CLIP1: variants seen among roughly 807,000 people sequenced by gnomAD.
CLIP1 encodes the protein CAP-Gly domain-containing linker protein 1.
A neutral mutation model predicts 161.6 loss-of-function variants in CLIP1; 66 were observed. That is an observed-to-expected ratio of 0.41 (90% confidence interval 0.33 to 0.50). The LOEUF is 0.50. CLIP1 is among the 20% of genes least tolerant of loss of function. The pLI, the probability that CLIP1 is intolerant of heterozygous loss-of-function variation, is 0.27. For missense variants in CLIP1, 1,376 were observed against 1,702.0 expected, an observed-to-expected ratio of 0.81 and a Z score of 3.37; for synonymous variants, 598 against 626.2, an observed-to-expected ratio of 0.96 and a Z score of 0.67.
In CLIP1 at chr12:122,328,005, T is replaced by A. The variant is rs1951773912; in HGVS notation, c.3191A>T (p.Glu1064Val). ...TEDKLKGAREENSGLLQELEE... is the reference protein window; with the variant it reads ...TEDKLKGAREVNSGLLQELEE... Reference sequence around the variant, plus strand: ...CAGCTCCTGCAGCAAGCCACTGTTCTCCTCCCGTGCGCCCTTCAGCTTGTC... The same window carrying A: ...CAGCTCCTGCAGCAAGCCACTGTTCACCTCCCGTGCGCCCTTCAGCTTGTC... Residue 1064 changes from glutamate (E) to valine (V), a missense_variant, in exon 17 of 26, where the codon GAG (glutamate) becomes GTG (valine). Physicochemically the swap from Glu to Val is moderately radical, Grantham distance 121. This residue lies in a region of CLIP1 where 948 missense variants were observed against 1,134.8 expected (regional missense o/e 0.84). Coordinates refer to ENST00000620786, the MANE Select transcript of CLIP1 (RefSeq NM_001247997.2). The A allele has an allele frequency of 1.2e-6, 2 of 1,614,146 alleles. No individual in the cohort carries two copies. The highest frequency in any genetic ancestry group is 1.7e-6 in the Non-Finnish European group (2 of 1,180,032).
chr12:122,355,062 C>T lies in CLIP1; in HGVS notation c.1203+53G>A, dbSNP rs914477733. On this transcript the variant is annotated intron_variant, in intron 6 of 25. Coordinates refer to ENST00000620786, the MANE Select transcript of CLIP1 (RefSeq NM_001247997.2). This position sits in a 1 kb window ranked among gnomAD's most constrained non-coding sequence, Gnocchi z 4.1. ...CAAGCACCGGGCATGCTTCTCGGCT[C>T]CTCAGTGGCTTTAGAAACCATCACC... is the stretch of plus-strand genomic sequence containing the variant. 6.5e-6 allele frequency: 10 copies of T among 1,548,054 alleles called. No homozygotes were observed. The highest frequency in any genetic ancestry group is 8.9e-6 in the Non-Finnish European group (10 of 1,125,288).
chr12:122,377,575 C>T lies in CLIP1; in HGVS notation c.471G>A (p.Val157=). The T allele has an allele frequency of 6.2e-7, 1 of 1,613,934 alleles. No individual in the cohort carries two copies. The highest frequency in any genetic ancestry group is 8.5e-7 in the Non-Finnish European group (1 of 1,180,016). ...SPLCTSTASM[V]SSSPSTPSNI... ...TTGAAGGGGTGGAGGGGGAGGAAGA[C>T]ACCATGCTGGCCGTAGAAGTGCACA... Residue 157 remains valine, a synonymous_variant, in exon 3 of 26, where the codon GTG becomes GTA. Coordinates refer to ENST00000620786, the MANE Select transcript of CLIP1 (RefSeq NM_001247997.2).
chr12:122,281,700 C>T (rs113537804), intron 21 of CLIP1, among the ~76,000 whole-genome samples: 12,763 of 151,142 alleles, frequency 0.084, 1,759 homozygotes, highest in African/African-American at 0.29. Flanking sequence ...GGCAACAGAG[C>T]AAGACCCCGT....
Position 122,324,968 on chromosome 12 carries a change from GT to G in CLIP1, c.3249+2978del, listed in dbSNP as rs1242687283. 7.2e-3 allele frequency among the ~76,000 whole-genome samples: 1,040 copies of G among 143,562 alleles called. 11 individuals are homozygous for G. The highest frequency in any genetic ancestry group is 0.02 in the African/African-American group (780 of 39,376). 94.2% of individuals were successfully genotyped at this position (143,562 alleles called of 152,430 possible). ...TAGGCTTTGCTGACTAAAAGGAATA[GT>G]TTTTTTTTTTTATTTACTGAATTAT... On this transcript the variant is annotated intron_variant, in intron 17 of 25. Coordinates refer to ENST00000620786, the MANE Select transcript of CLIP1 (RefSeq NM_001247997.2).
chr12:122,284,742 T>C (rs556010768), intron 21 of CLIP1, among the ~76,000 whole-genome samples: 1 of 152,298 alleles, frequency 6.6e-6, no homozygotes, highest in South Asian at 2.1e-4. Context: ...TGATAAGGAC[T>C]TCATCATTAA....
chr12:122,349,566 G>A (rs528928307), intron 9 of CLIP1, among the ~76,000 whole-genome samples: 1 of 152,334 alleles, frequency 6.6e-6, no homozygotes, highest in Admixed American at 6.5e-5. Context: ...AGCAGCAAGG[G>A]AACTAGTGAT....
At chr12:122,276,488 G>C in intron 24 of CLIP1, 1 of 1,288,808 alleles carries the variant, frequency 7.8e-7, no homozygotes, top group African/African-American at 1.5e-5. Flanking sequence ...GAAACAAACC[G>C]AAGCAGAAAG....
chr12:122,287,016 C>G (rs961357321), intron 21 of CLIP1, among the ~76,000 whole-genome samples: 3 of 151,348 alleles, frequency 2.0e-5, no homozygotes, highest in African/African-American at 7.3e-5. Flanking sequence ...AACAAACAAA[C>G]AAAAAATTAG....
intron 14 of CLIP1, among the ~76,000 whole-genome samples, chr12:122,333,805 G>C (rs1050101075): frequency 1.3e-5 from 2 of 152,218 alleles, no homozygotes; most frequent in Non-Finnish European, 2.9e-5. Flanking sequence ...AGCAGTGGGA[G>C]TGGTGAGATG....
At chr12:122,322,612 G>A (rs1189548899) in intron 17 of CLIP1, 2 of 152,542 alleles carry the variant, frequency 1.3e-5, no homozygotes, top group South Asian at 2.1e-4. Context: ...CAAACTTCTC[G>A]GACTGCAGCT....
chr12:122,384,125 A>C (rs1223288341), intron 1 of CLIP1, among the ~76,000 whole-genome samples: 2 of 152,238 alleles, frequency 1.3e-5, no homozygotes, highest in Non-Finnish European at 2.9e-5. Context: ...AGAAATTAAC[A>C]GATGTGTTTC....
intron 24 of CLIP1, chr12:122,274,541 GT>G (rs140034285): frequency 5.0e-3 from 722 of 144,814 alleles, no homozygotes; most frequent in African/African-American, 0.014. Flanking sequence ...GTTTTGTTTT[GT>G]TTTTTTTTTT....
At chr12:122,275,995 T>C (rs1955411817) in intron 24 of CLIP1, among the ~76,000 whole-genome samples, 1 of 152,160 alleles carries the variant, frequency 6.6e-6, no homozygotes, top group South Asian at 2.1e-4. Context: ...ATCCTGAACA[T>C]TTCCTTTCAA....
rs1452147570 is a variant in CLIP1 at position 122,271,810 on chromosome 12, A to C, written c.*1065T>G. On this transcript the variant is annotated 3_prime_UTR_variant, in exon 26 of 26. Transcript: ENST00000620786. The stretch of plus-strand genomic sequence containing the variant: ...AGAAAATCCAGAATTATTAACGTTG[A>C]ATTTCTCATCGTACATTCATCTAAA... 1 of 152,624 alleles carries C rather than the reference A, an allele frequency of 6.6e-6. No individual in the cohort carries two copies. Among genetic ancestry groups the C allele is most frequent in the Non-Finnish European group, 1.5e-5 (1 of 68,036 alleles). The allele number at this position is 152,624 out of a possible 1,614,324, so 9.5% of individuals were successfully genotyped here.
In CLIP1 at chr12:122,361,108, T is replaced by G. The variant is rs752711629; in HGVS notation, c.856A>C (p.Thr286Pro). ...HKVTKIGFPS[T>P]TPAKAKANAV... ...TTGGCCTTGGCTTTGGCTGGTGTAGTGGAAGGGAAGCCAATCTTGGTAACT... is the reference window on the plus strand; with the variant it reads ...TTGGCCTTGGCTTTGGCTGGTGTAGGGGAAGGGAAGCCAATCTTGGTAACT... Residue 286 changes from threonine to proline, a missense_variant, in exon 5 of 26, where the codon ACT becomes CCT. By Grantham distance (38) the Thr-to-Pro change is conservative. Transcript: ENST00000620786. The G allele has an allele frequency of 6.2e-7, 1 of 1,614,134 alleles. No individual in the cohort carries two copies. The highest frequency in any genetic ancestry group is 1.3e-5 in the African/African-American group (1 of 75,036).
chr12:122,364,529 G>C (rs1000114773), intron 3 of CLIP1, among the ~76,000 whole-genome samples: 1 of 151,494 alleles, frequency 6.6e-6, no homozygotes, highest in Non-Finnish European at 1.5e-5. Context: ...CAACCTCCTG[G>C]GTAGCTGAAA....
chr12:122,341,377 C>T lies in CLIP1; in HGVS notation c.1827G>A (p.Leu609=). The T allele has an allele frequency of 6.2e-7, 1 of 1,614,150 alleles. No homozygotes were observed. Among genetic ancestry groups the T allele is most frequent in the South Asian group, 1.1e-5 (1 of 91,078 alleles). The change falls in exon 11 of 26, where the codon CTG becomes CTA. Residue 609 remains leucine, a synonymous_variant. Coordinates refer to ENST00000620786, the MANE Select transcript of CLIP1 (RefSeq NM_001247997.2). The part of the protein sequence containing the change: ...SKENESLKSK[L]EHANKENSDV... ...CTGAGTTCTCTTTGTTGGCATGCTC[C>T]AGCTTGCTTTTCAATGACTCGTTCT...
intron 20 of CLIP1, among the ~76,000 whole-genome samples, chr12:122,297,832 C>T (rs752701625): frequency 1.3e-5 from 2 of 152,206 alleles, no homozygotes; most frequent in African/African-American, 4.8e-5. Context: ...CTAGGCGAGC[C>T]GTGTTGCCCA....
At chr12:122,373,216 G>C (rs1954541533) in intron 3 of CLIP1, among the ~76,000 whole-genome samples, 1 of 152,084 alleles carries the variant, frequency 6.6e-6, no homozygotes, top group Non-Finnish European at 1.5e-5. Context: ...CCTGAGCTCA[G>C]GAGTTCAAGA....
Sources: allele counts gnomAD v4.1 joint callset (sites outside exome capture counted in the v4.1 genomes callset), GRCh38; gene constraint gnomAD v4.1.1; regional missense constraint gnomAD v4.1.1; non-coding constraint Gnocchi (gnomAD v3.1); transcripts MANE v1.5; gene names NCBI Gene and HGNC (gene_info 2026-07-23, HGNC 2026-07-21).